The following GALNT2 variants were observed in gnomAD, a reference collection of about 807,000 sequenced individuals.
GALNT2 encodes UDP-GalNAc:polypeptide N-acetylgalactosaminyltransferase 2.
Under a neutral mutation model 81.4 loss-of-function variants are expected in GALNT2, and 31 were observed. The observed-to-expected ratio is 0.38, with a 90% CI of 0.29 to 0.51. The LOEUF (loss-of-function observed/expected upper bound fraction) is 0.51, where lower values mean the gene tolerates loss of function less well. Among genes scored for constraint, GALNT2 ranks in the 20% least tolerant of loss-of-function variants. The probability of loss-of-function intolerance (pLI) is 0.87; values close to 1 mark genes in which losing one functional copy is unlikely to be tolerated. For synonymous variants in GALNT2, 303 were observed against 287.4 expected (o/e 1.05, Z -0.55); for missense variants, 629 against 765.7 (o/e 0.82, Z 2.11).
At chr1:230,237,591 A>C (rs993093273) in intron 6 of GALNT2, among the ~76,000 whole-genome samples, 1 of 152,198 alleles carries the variant, frequency 6.6e-6, no homozygotes, top group African/African-American at 2.4e-5. Context: ...TGGCCAACAC[A>C]GTGATTGAGC....
At chr1:230,270,084 C>T (rs1430372294) in intron 14 of GALNT2, among the ~76,000 whole-genome samples, 1 of 152,026 alleles carries the variant, frequency 6.6e-6, no homozygotes, top group African/African-American at 2.4e-5. Context: ...ACCTGTAATC[C>T]CAGCTACTCG....
At chr1:230,263,333 C>G in intron 13 of GALNT2, 1 of 307,634 alleles carries the variant, frequency 3.3e-6, no homozygotes, top group Non-Finnish European at 6.2e-6. Flanking sequence ...ACAGGCTCTT[C>G]GAGTGACCAG....
chr1:230,065,896 T>C (rs1346870823), upstream of GALNT2, among the ~76,000 whole-genome samples: 1 of 152,222 alleles, frequency 6.6e-6, no homozygotes, highest in East Asian at 1.9e-4. Context: ...TCTTGTCCCA[T>C]TTTCTTTCAA....
chr1:230,277,567 T>C (rs9432148), intron 15 of GALNT2, among the ~76,000 whole-genome samples: 39,440 of 152,158 alleles, frequency 0.26, 5,351 homozygotes, highest in South Asian at 0.37. Context: ...AAAGAGGCAA[T>C]GACAGGCACT....
intron 1 of GALNT2, among the ~76,000 whole-genome samples, chr1:230,151,179 A>G (rs2102835508): frequency 6.6e-6 from 1 of 152,212 alleles, no homozygotes; most frequent in East Asian, 1.9e-4. Context: ...CACCGTGGCC[A>G]CCGTTGTCTT....
chr1:230,176,956 TCCTC>T lies in GALNT2; in HGVS notation c.127-1258_127-1255del, dbSNP rs1662999433. Reference sequence around the variant, plus strand: ...CTCACCAGCCCGCCAAGGCTACAGTTCCTCCCTTCCTGCCATTTTCACGGCAGCC... The same window carrying T: ...CTCACCAGCCCGCCAAGGCTACAGTTCCTTCCTGCCATTTTCACGGCAGCC... On this transcript the variant is annotated intron_variant, in intron 1 of 15. Coordinates refer to ENST00000366672, the MANE Select transcript of GALNT2 (RefSeq NM_004481.5). Among the ~76,000 whole-genome samples, 5 of 152,254 alleles carry T rather than the reference TCCTC, an allele frequency of 3.3e-5. No individual in the cohort carries two copies. In the South Asian group the frequency reaches 1.0e-3, roughly 32 times the overall value.
intron 1 of GALNT2, among the ~76,000 whole-genome samples, chr1:230,081,901 G>C (rs1004733846): frequency 1.3e-5 from 2 of 152,206 alleles, no homozygotes; most frequent in Admixed American, 6.5e-5. Context: ...ATTGGCTTGC[G>C]TTTCCTTGTC....
chr1:230,219,502 C>G (rs11122469), intron 3 of GALNT2, among the ~76,000 whole-genome samples: 32,688 of 151,868 alleles, frequency 0.22, 4,492 homozygotes, highest in Middle Eastern at 0.32. Context: ...CTTGTCCTCC[C>G]TTCTGAGTCA....
In GALNT2 at chr1:230,070,526, A is replaced by G. The variant is rs1473757628; in HGVS notation, c.126+3120A>G. Among the ~76,000 whole-genome samples the G allele has an allele frequency of 1.3e-5, 2 of 152,126 alleles. No homozygotes were observed. Among genetic ancestry groups the G allele is most frequent in the Non-Finnish European group, 2.9e-5 (2 of 68,030 alleles). On this transcript the variant is annotated intron_variant, in intron 1 of 15. Coordinates refer to ENST00000366672, the MANE Select transcript of GALNT2 (RefSeq NM_004481.5). This position sits in a 1 kb window ranked among gnomAD's most constrained non-coding sequence, Gnocchi z 4.7. ...TGAGACCCCTTGCCTGTGTGCCTGC[A>G]TGCTGGGAGGTAAGGGACGGTGTTA... is the stretch of plus-strand genomic sequence containing the variant.
intron 2 of GALNT2, among the ~76,000 whole-genome samples, chr1:230,195,490 G>A (rs904988303): frequency 6.6e-6 from 1 of 152,190 alleles, no homozygotes. Context: ...GGACCCCAGG[G>A]AGGGCTCCTG....
rs1392581757 is a variant in GALNT2, at chr1:230,271,532, C to T, written c.1441-2913C>T. On this transcript the variant is annotated intron_variant, in intron 14 of 15. Transcript: ENST00000366672. This position sits in a 1 kb window ranked among gnomAD's most constrained non-coding sequence, Gnocchi z 4.2. ...GGCTTCCTCCCACAAGATGCTTCTA[C>T]TCCAGATGCCAGTCACAAGTCCAAG... Among the ~76,000 whole-genome samples, 2 of 152,260 alleles carry T rather than the reference C, an allele frequency of 1.3e-5. No individual in the cohort carries two copies. The highest frequency in any genetic ancestry group is 1.3e-4 in the Admixed American group (2 of 15,292).
chr1:230,165,828 A>G (rs4846920), intron 1 of GALNT2, among the ~76,000 whole-genome samples: 123,253 of 152,278 alleles, frequency 0.81, 50,303 homozygotes, highest in East Asian at 0.96. Context: ...GAGAGGGCTG[A>G]TAGATGCCCC....
intron 1 of GALNT2, among the ~76,000 whole-genome samples, chr1:230,090,113 A>G (rs1660020156): frequency 6.6e-6 from 1 of 152,060 alleles, no homozygotes; most frequent in Non-Finnish European, 1.5e-5. Context: ...GTATCTTGTG[A>G]TTTTGATTAT....
At position 230,172,819 on chromosome 1, in the gene GALNT2, A is replaced by G. The variant is rs566970132; in HGVS notation, c.127-5399A>G. 1.5e-4 allele frequency among the ~76,000 whole-genome samples: 23 copies of G among 152,394 alleles called. No homozygotes were observed. In the South Asian group the frequency reaches 4.8e-3, roughly 32 times the overall value. ...TAATTAGTTTCCATAACTATTTAATAAACTCACCTATTGGGTTTACTGCTT... is the reference window on the plus strand; with the variant it reads ...TAATTAGTTTCCATAACTATTTAATGAACTCACCTATTGGGTTTACTGCTT... On this transcript the variant is annotated intron_variant, in intron 1 of 15. Transcript: ENST00000366672.
At position 230,193,510 on chromosome 1, in the gene GALNT2, C is replaced by T. The variant is rs534962880; in HGVS notation, c.221-9627C>T. On this transcript the variant is annotated intron_variant, in intron 2 of 15. Coordinates refer to ENST00000366672, the MANE Select transcript of GALNT2 (RefSeq NM_004481.5). The surrounding 1 kb of genome is among the most constrained non-coding windows in gnomAD (Gnocchi z 4.3). ...GCCTCTCTGTGCTGGGGTGTGCGTG[C>T]GCCTCTGTGTGCTGGGGTCTTCATG... is the stretch of plus-strand genomic sequence containing the variant. Among the ~76,000 whole-genome samples, 8 of 151,724 alleles carry T rather than the reference C, an allele frequency of 5.3e-5. No individual in the cohort carries two copies. Among genetic ancestry groups the T allele is most frequent in the South Asian group, 2.1e-4 (1 of 4,788 alleles).
intron 1 of GALNT2, among the ~76,000 whole-genome samples, chr1:230,147,250 C>A (rs11122405): frequency 0.78 from 119,291 of 152,196 alleles, 47,300 homozygotes; most frequent in African/African-American, 0.81. Context: ...AGATGTTGTC[C>A]CTGGACTGAT....
At chr1:230,068,254 C>G (rs1032756197) in intron 1 of GALNT2, among the ~76,000 whole-genome samples, 1 of 152,248 alleles carries the variant, frequency 6.6e-6, no homozygotes, top group Admixed American at 6.5e-5. Context: ...CCTCGTGCCG[C>G]CGCTCCGGAC....
chr1:230,156,239 G>GAGAGAGAA (rs1334487460), intron 1 of GALNT2, among the ~76,000 whole-genome samples: 12 of 151,408 alleles, frequency 7.9e-5, no homozygotes, highest in African/African-American at 2.9e-4. Flanking sequence ...GAGAAAGAGA[G>GAGAGAGAA]AGAGAGTGTG....
chr1:230,139,713 A>C (rs982434422), intron 1 of GALNT2, among the ~76,000 whole-genome samples: 2 of 152,246 alleles, frequency 1.3e-5, no homozygotes, highest in African/African-American at 4.8e-5. Context: ...AAGCACTGCG[A>C]GCGTAATAAT....
Sources: allele counts gnomAD v4.1 joint callset (sites outside exome capture counted in the v4.1 genomes callset), GRCh38; gene constraint gnomAD v4.1.1; non-coding constraint Gnocchi (gnomAD v3.1); transcripts MANE v1.5; gene names NCBI Gene and HGNC (gene_info 2026-07-23, HGNC 2026-07-21).